The following ABCC4 variants were observed in gnomAD, a reference collection of about 807,000 sequenced individuals.
The protein encoded by ABCC4 is ATP binding cassette subfamily C member 4 (PEL blood group), also known as ATP-binding cassette sub-family C member 4.
Under a neutral mutation model 168.5 loss-of-function variants are expected in ABCC4, and 102 were observed. That is an observed-to-expected ratio of 0.61 (90% CI 0.52 to 0.71). The LOEUF (loss-of-function observed/expected upper bound fraction) is 0.71, where lower values mean the gene tolerates loss of function less well. Among genes scored for constraint, ABCC4 ranks in the 30% least tolerant of loss-of-function variants. The pLI, the probability that ABCC4 is intolerant of heterozygous loss-of-function variation, is 0.00. For synonymous variants in ABCC4, 617 were observed against 590.7 expected (o/e 1.04, Z -0.65); for missense variants, 1,402 against 1,605.8 (o/e 0.87, Z 2.17).
At chr13:95,090,368 C>A (rs896262117) in intron 20 of ABCC4, among the ~76,000 whole-genome samples, 7 of 152,102 alleles carry the variant, frequency 4.6e-5, no homozygotes, top group African/African-American at 1.7e-4. Flanking sequence ...GTCCATTGCA[C>A]CCCCCGACCA....
At chr13:95,199,793 G>A (rs1028526418) in intron 8 of ABCC4, among the ~76,000 whole-genome samples, 3 of 152,054 alleles carry the variant, frequency 2.0e-5, no homozygotes, top group African/African-American at 7.3e-5. Flanking sequence ...GAAAATATGT[G>A]GATTTTCTTG....
At chr13:95,079,187 A>G (rs746213529) in intron 21 of ABCC4, among the ~76,000 whole-genome samples, 1 of 152,190 alleles carries the variant, frequency 6.6e-6, no homozygotes, top group Non-Finnish European at 1.5e-5. Flanking sequence ...GCGTATGTCA[A>G]GCCTCAGCTC....
At chr13:95,029,199 TATATATATATATATAGAGAGAGAG>T (rs2031711284) in intron 30 of ABCC4, among the ~76,000 whole-genome samples, 4 of 72,412 alleles carry the variant, frequency 5.5e-5, no homozygotes, top group African/African-American at 2.3e-4. Flanking sequence ...TATATATATA[TATATATATATATATAGAGAGAGAG>T]AGAGAGAGAG....
At chr13:95,235,504 C>CCCA (rs2039741118) in intron 3 of ABCC4, among the ~76,000 whole-genome samples, 1 of 152,142 alleles carries the variant, frequency 6.6e-6, no homozygotes, top group Non-Finnish European at 1.5e-5. Flanking sequence ...CAGCTCTCAC[C>CCCA]CCACTTCCTC....
At chr13:95,090,905 T>C (rs772442429) in intron 20 of ABCC4, among the ~76,000 whole-genome samples, 23 of 151,192 alleles carry the variant, frequency 1.5e-4, no homozygotes, top group Non-Finnish European at 2.4e-4. Context: ...AAGGGAGAAA[T>C]AGTCAAAGAA....
chr13:95,297,522 CAAG>C (rs2041567207), intron 1 of ABCC4, among the ~76,000 whole-genome samples: 1 of 152,140 alleles, frequency 6.6e-6, no homozygotes, highest in Non-Finnish European at 1.5e-5. Flanking sequence ...AAACACTCAA[CAAG>C]AAGGTGAAAA....
chr13:95,104,069 A>G (rs1450005704), intron 20 of ABCC4, among the ~76,000 whole-genome samples: 1 of 152,206 alleles, frequency 6.6e-6, no homozygotes, highest in Non-Finnish European at 1.5e-5. Flanking sequence ...AATAAGGGAT[A>G]CACAATACAA....
chr13:95,297,502 G>A (rs905165707), intron 1 of ABCC4, among the ~76,000 whole-genome samples: 2 of 152,122 alleles, frequency 1.3e-5, no homozygotes, highest in African/African-American at 4.8e-5. Context: ...TGATATTTGA[G>A]AAGAAAAGCA....
chr13:95,287,512 G>T (rs1350284468), intron 1 of ABCC4, among the ~76,000 whole-genome samples: 1 of 151,860 alleles, frequency 6.6e-6, no homozygotes, highest in African/African-American at 2.4e-5. Flanking sequence ...GTTTGAATCT[G>T]GGAGGTAGAA....
At chr13:95,242,984 C>T (rs574198184) in intron 3 of ABCC4, among the ~76,000 whole-genome samples, 1 of 152,314 alleles carries the variant, frequency 6.6e-6, no homozygotes, top group South Asian at 2.1e-4. Flanking sequence ...ATGTTAAAGA[C>T]ACAAGGTTAA....
intron 4 of ABCC4, among the ~76,000 whole-genome samples, chr13:95,233,089 AAC>A (rs1465951050): frequency 6.6e-6 from 1 of 152,154 alleles, no homozygotes; most frequent in Non-Finnish European, 1.5e-5. Context: ...CTATTCCCTA[AAC>A]AGTTATTTGT....
At chr13:95,052,563 G>A (rs999068219) in intron 27 of ABCC4, among the ~76,000 whole-genome samples, 2 of 152,124 alleles carry the variant, frequency 1.3e-5, no homozygotes, top group East Asian at 1.9e-4. Context: ...CCTTAGCAGA[G>A]GCTGCAGGGT....
chr13:95,256,916 A>G (rs1329839152), intron 1 of ABCC4, among the ~76,000 whole-genome samples: 1 of 152,242 alleles, frequency 6.6e-6, no homozygotes, highest in Admixed American at 6.5e-5. Context: ...TGCCAGACTA[A>G]GGAATAAGAC....
intron 25 of ABCC4, 148 bp from the exon 26 acceptor site, chr13:95,063,007 T>A: frequency 1.1e-6 from 1 of 941,174 alleles, no homozygotes; most frequent in Non-Finnish European, 1.5e-6. Flanking sequence ...ACCTCAGCAC[T>A]GATGACCTTC....
chr13:95,085,968 C>G, intron 20 of ABCC4, among the ~76,000 whole-genome samples: 1 of 152,188 alleles, frequency 6.6e-6, no homozygotes, highest in East Asian at 1.9e-4. Context: ...CACCTGTTCT[C>G]TTAATCACTG....
At chr13:95,146,691 CAG>C (rs1185312688) in intron 19 of ABCC4, among the ~76,000 whole-genome samples, 7 of 152,154 alleles carry the variant, frequency 4.6e-5, no homozygotes, top group Middle Eastern at 3.2e-3. Flanking sequence ...TGCTCAGAGG[CAG>C]AGAGACTGCA....
chr13:95,063,231 A>G (rs2033371016), intron 25 of ABCC4, among the ~76,000 whole-genome samples: 1 of 152,230 alleles, frequency 6.6e-6, no homozygotes, highest in Admixed American at 6.5e-5. Context: ...GTTTACTGGC[A>G]TTGAAAAGTC....
intron 19 of ABCC4, among the ~76,000 whole-genome samples, chr13:95,157,923 T>G (rs2036928955): frequency 6.6e-6 from 1 of 150,958 alleles, no homozygotes; most frequent in South Asian, 2.1e-4. Context: ...GTACAAAAAA[T>G]TAGCCGGGCG....
chr13:95,234,552 C>A, intron 4 of ABCC4, 58 bp downstream of exon 4: 1 of 1,439,984 alleles, frequency 6.9e-7, no homozygotes, highest in Non-Finnish European at 9.7e-7. Context: ...ATAAAACTTC[C>A]TCAGAATGCT....
Sources: gnomAD v4.1 joint callset for allele counts (sites outside exome capture counted in the v4.1 genomes callset) on GRCh38, gnomAD v4.1.1 for gene constraint, MANE v1.5 for transcripts, NCBI Gene and HGNC (gene_info 2026-07-23, HGNC 2026-07-21) for gene names.